The following ZDHHC11B variants were observed in gnomAD, a reference collection of about 807,000 sequenced individuals.
ZDHHC11B encodes the protein probable palmitoyltransferase ZDHHC11B.
In ZDHHC11B, 17 loss-of-function variants were observed where a neutral mutation model predicts 42.3. That is an observed-to-expected ratio of 0.40 (90% CI 0.27 to 0.60). The LOEUF (loss-of-function observed/expected upper bound fraction) is 0.60. Among genes scored for constraint, ZDHHC11B ranks in the 20% least tolerant of loss-of-function variants. The pLI is 0.41. For synonymous variants in ZDHHC11B, 123 were observed against 193.5 expected, an observed-to-expected ratio of 0.64 and a Z score of 3.02; for missense variants, 262 against 463.2, an observed-to-expected ratio of 0.57 and a Z score of 3.99.
At chr5:772,687 A>T (rs1736157454) in intron 1 of ZDHHC11B, among the ~76,000 whole-genome samples, 1 of 151,880 alleles carries the variant, frequency 6.6e-6, no homozygotes, top group Admixed American at 6.6e-5. Flanking sequence ...AGGCCCAGGC[A>T]GTTCTGGAGG....
chr5:765,658 T>TTGC (rs1735197618), intron 4 of ZDHHC11B, among the ~76,000 whole-genome samples: 1 of 151,892 alleles, frequency 6.6e-6, no homozygotes, highest in Non-Finnish European at 1.5e-5. Context: ...GCAATACATC[T>TTGC]TGCTGCTGCT....
At chr5:742,663 T>C (rs2127046260) in intron 9 of ZDHHC11B, among the ~76,000 whole-genome samples, 1 of 150,006 alleles carries the variant, frequency 6.7e-6, no homozygotes, top group East Asian at 2.0e-4. Flanking sequence ...ACACATGTCA[T>C]GTAAACGTAA....
intron 4 of ZDHHC11B, among the ~76,000 whole-genome samples, chr5:760,976 C>T (rs1734531273): frequency 6.6e-6 from 1 of 151,778 alleles, no homozygotes; most frequent in Non-Finnish European, 1.5e-5. Context: ...TCTGGATATG[C>T]CATGATGCTG....
At chr5:765,232 C>T (rs1170419100) in intron 4 of ZDHHC11B, among the ~76,000 whole-genome samples, 2 of 149,112 alleles carry the variant, frequency 1.3e-5, no homozygotes, top group Non-Finnish European at 1.5e-5. Flanking sequence ...ATTGTAAATA[C>T]ACCAATCAGC....
chr5:754,539 C>T (rs1579369521), intron 6 of ZDHHC11B, among the ~76,000 whole-genome samples: 1 of 129,432 alleles, frequency 7.7e-6, no homozygotes, highest in African/African-American at 2.6e-5. Flanking sequence ...CACCTCTCGT[C>T]TATGAGCCTC....
chr5:760,965 G>A (rs1267645689), intron 4 of ZDHHC11B, among the ~76,000 whole-genome samples: 1 of 151,748 alleles, frequency 6.6e-6, no homozygotes, highest in Non-Finnish European at 1.5e-5. Flanking sequence ...CAAGACACTG[G>A]TCTGGATATG....
At chr5:777,326 G>A (rs922059707) in intron 1 of ZDHHC11B, among the ~76,000 whole-genome samples, 8 of 151,802 alleles carry the variant, frequency 5.3e-5, no homozygotes, top group Admixed American at 2.0e-4. Flanking sequence ...AGTGGTGAGT[G>A]TTACTTACGC....
At chr5:778,273 A>C (rs1237704952) in intron 1 of ZDHHC11B, among the ~76,000 whole-genome samples, 2 of 151,770 alleles carry the variant, frequency 1.3e-5, no homozygotes, top group Non-Finnish European at 2.9e-5. Flanking sequence ...CGGCTGGCTC[A>C]TCCCATCAAC....
At chr5:760,217 G>T (rs779341737) in intron 4 of ZDHHC11B, among the ~76,000 whole-genome samples, 78 of 151,826 alleles carry the variant, frequency 5.1e-4, no homozygotes, top group Admixed American at 1.2e-3. Context: ...GGGTCGACTC[G>T]ATCCCCCACA....
At position 744,649 on chromosome 5, in the gene ZDHHC11B, C is replaced by T. The variant is rs1242482021; in HGVS notation, c.900+534G>A. Among the ~76,000 whole-genome samples the T allele has an allele frequency of 6.3e-4, 93 of 148,590 alleles. 4 individuals are homozygous for T. The highest frequency in any genetic ancestry group is 3.4e-3 in the Middle Eastern group (1 of 290). Reference sequence around the variant, plus strand: ...CAGCACTTTCGGAGGCCAAGGCGGGCGGATCACCTGAGGCCAGAAGTTTGA... The same window carrying T: ...CAGCACTTTCGGAGGCCAAGGCGGGTGGATCACCTGAGGCCAGAAGTTTGA... On this transcript the variant is annotated intron_variant, in intron 9 of 13. Transcript: ENST00000508859.
chr5:719,867 A>C (rs1256627882), intron 12 of ZDHHC11B, among the ~76,000 whole-genome samples: 2 of 151,802 alleles, frequency 1.3e-5, no homozygotes, highest in Non-Finnish European at 2.9e-5. Flanking sequence ...CACAAGTTTT[A>C]AATTGTGTGT....
chr5:739,362 C>T (rs1411007119), intron 10 of ZDHHC11B, among the ~76,000 whole-genome samples: 1 of 151,426 alleles, frequency 6.6e-6, no homozygotes, highest in East Asian at 1.9e-4. Flanking sequence ...CATGCCCCTG[C>T]ACTCCAGCCT....
At chr5:776,423 C>G (rs1736489712) in intron 1 of ZDHHC11B, among the ~76,000 whole-genome samples, 1 of 151,868 alleles carries the variant, frequency 6.6e-6, no homozygotes, top group Non-Finnish European at 1.5e-5. Context: ...CCCAGTAAAT[C>G]CGAAGCACAG....
chr5:759,138 G>A (rs1486788258), intron 4 of ZDHHC11B, among the ~76,000 whole-genome samples: 3 of 152,076 alleles, frequency 2.0e-5, no homozygotes, highest in Non-Finnish European at 4.4e-5. Context: ...CAAACTGCCT[G>A]CCCTCTGGAA....
At chr5:732,203 T>C (rs1308450709) in intron 11 of ZDHHC11B, 1 of 159,874 alleles carries the variant, frequency 6.3e-6, no homozygotes, top group Admixed American at 6.3e-5. Context: ...TCCTCCCCGA[T>C]GTGAACAATG....
In ZDHHC11B at chr5:761,613, G is replaced by T. The variant is rs1419160452; in HGVS notation, c.222+5085C>A. Among the ~76,000 whole-genome samples, 7 of 151,994 alleles carry T rather than the reference G, an allele frequency of 4.6e-5. No individual in the cohort carries two copies. In the East Asian group the frequency reaches 9.6e-4, roughly 21 times the overall value. On this transcript the variant is annotated intron_variant, in intron 4 of 13. Coordinates refer to ENST00000508859, the MANE Select transcript of ZDHHC11B (RefSeq NM_001351303.2). ...GCGCAAGGCTGGCAGTGTGTGCCGG[G>T]TGGACACGTGGGTTGCCACGTTCCA... is the stretch of plus-strand genomic sequence containing the variant.
chr5:745,881 C>T (rs1172334241), intron 8 of ZDHHC11B, among the ~76,000 whole-genome samples: 1 of 149,628 alleles, frequency 6.7e-6, no homozygotes, highest in Non-Finnish European at 1.5e-5. Context: ...GTGCTGAGAG[C>T]CCCAGGCCCA....
intron 10 of ZDHHC11B, among the ~76,000 whole-genome samples, chr5:735,955 A>T (rs1299975575): frequency 6.7e-6 from 1 of 149,222 alleles, no homozygotes; most frequent in Non-Finnish European, 1.5e-5. Flanking sequence ...TCAATAAAAC[A>T]GTACCTCACA....
At chr5:761,580 G>A (rs12109610) in intron 4 of ZDHHC11B, among the ~76,000 whole-genome samples, 1 of 151,928 alleles carries the variant, frequency 6.6e-6, no homozygotes, top group Non-Finnish European at 1.5e-5. Flanking sequence ...CTCCTGATGA[G>A]TGGAGGGGCG....
Sources: allele counts gnomAD v4.1 joint callset (sites outside exome capture counted in the v4.1 genomes callset), GRCh38; gene constraint gnomAD v4.1.1; transcripts MANE v1.5; gene names NCBI Gene and HGNC (gene_info 2026-07-23, HGNC 2026-07-21).